ZC3H7B: variants seen among roughly 807,000 people sequenced by gnomAD.
The protein encoded by ZC3H7B is zinc finger CCCH-type containing 7B.
In ZC3H7B, 35 loss-of-function variants were observed where a neutral mutation model predicts 116.0. That is an observed-to-expected ratio of 0.30 (90% CI 0.23 to 0.40). ZC3H7B has a LOEUF of 0.40. Among genes scored for constraint, ZC3H7B ranks in the 10% least tolerant of loss-of-function variants. ZC3H7B has a pLI of 1.00. For missense variants in ZC3H7B, 1,011 were observed against 1,321.5 expected (o/e 0.77, Z 3.64); for synonymous variants, 502 against 545.6 (o/e 0.92, Z 1.11).
chr22:41,343,616 C>T (rs1382530444), intron 13 of ZC3H7B, 40 bp downstream of exon 13: 1 of 1,531,928 alleles, frequency 6.5e-7, no homozygotes, highest in Non-Finnish European at 8.8e-7. Flanking sequence ...CAGCTGGGGC[C>T]CAGCCCCTCC....
chr22:41,348,322 A>G (rs1188070250), intron 15 of ZC3H7B, among the ~76,000 whole-genome samples, 155 bp downstream of exon 15: 1 of 152,236 alleles, frequency 6.6e-6, no homozygotes, highest in African/African-American at 2.4e-5. Flanking sequence ...CTCCACCTGG[A>G]AAGGATGAGA....
chr22:41,315,723 G>A (rs2036174250), intron 1 of ZC3H7B, among the ~76,000 whole-genome samples: 1 of 152,124 alleles, frequency 6.6e-6, no homozygotes, highest in Admixed American at 6.6e-5. Context: ...TGCAAGGGAG[G>A]AAACAGAGGA....
chr22:41,329,519 A>G (rs1395719203), intron 5 of ZC3H7B, among the ~76,000 whole-genome samples: 1 of 152,032 alleles, frequency 6.6e-6, no homozygotes, highest in Non-Finnish European at 1.5e-5. Context: ...TCTGCCTCCC[A>G]AAGTGCTGGG....
Position 41,328,487 on chromosome 22 carries a change from C to G in ZC3H7B, c.444+1123C>G, listed in dbSNP as rs1030744327. Reference sequence around the variant, plus strand: ...TTGTCAGTGAGGTAGGAGGTAGACACGTGCACAGATGTCACAGTGTCTTCC... The same window carrying G: ...TTGTCAGTGAGGTAGGAGGTAGACAGGTGCACAGATGTCACAGTGTCTTCC... On this transcript the variant is annotated intron_variant, in intron 5 of 22. Transcript: ENST00000352645. 3.3e-5 allele frequency among the ~76,000 whole-genome samples: 5 copies of G among 152,226 alleles called. No individual in the cohort carries two copies. In the East Asian group the frequency reaches 9.6e-4, roughly 29 times the overall value.
rs769901868 is a variant in ZC3H7B at position 41,349,198 on chromosome 22, C to T, written c.1845C>T (p.Asp615=). Residue 615 remains aspartate, a synonymous_variant, in exon 16 of 23, where the codon GAC becomes GAT. Coordinates refer to ENST00000352645, the MANE Select transcript of ZC3H7B (RefSeq NM_017590.6). This position sits in a 1 kb window ranked among gnomAD's most constrained non-coding sequence, Gnocchi z 4.9. ...IRQFQEHFQF[D]VCRHEVRYGC... is the part of the protein sequence containing the mutation. ...AGTTCCAGGAGCACTTCCAGTTCGA[C>T]GTGTGCCGCCATGAGGTGCGCTACG... The T allele has an allele frequency of 3.1e-6, 5 of 1,613,698 alleles. No individual in the cohort carries two copies. The highest frequency in any genetic ancestry group is 2.2e-5 in the East Asian group (1 of 44,900).
chr22:41,355,399 G>T, intron 17 of ZC3H7B, 70 bp from the exon 18 acceptor site: 1 of 1,587,600 alleles, frequency 6.3e-7, no homozygotes, highest in Admixed American at 1.7e-5. Context: ...GAGGACACCT[G>T]TGTGGAGACT....
At chr22:41,308,343 C>A (rs932469468) in intron 1 of ZC3H7B, among the ~76,000 whole-genome samples, 1 of 152,090 alleles carries the variant, frequency 6.6e-6, no homozygotes, top group East Asian at 1.9e-4. Flanking sequence ...CTGAGGAACG[C>A]AGGGCAGGGA....
At chr22:41,325,286 G>A (rs1303346870) in intron 2 of ZC3H7B, among the ~76,000 whole-genome samples, 1 of 151,898 alleles carries the variant, frequency 6.6e-6, no homozygotes, top group East Asian at 1.9e-4. Flanking sequence ...AAGTGGGGCT[G>A]GAACTGGGGC....
Position 41,340,105 on chromosome 22 carries a change from G to C in ZC3H7B, c.1106G>C (p.Arg369Pro), listed in dbSNP as rs776780190. 1.2e-6 allele frequency: 2 copies of C among 1,610,746 alleles called. No individual in the cohort carries two copies. The highest frequency in any genetic ancestry group is 1.7e-5 in the Admixed American group (1 of 59,890). ...GCACTCGACAGCTTTGGGTCGACAC[G>C]AGGCTCCCTGGACAAACCTGACTCC... is the stretch of plus-strand genomic sequence containing the variant. ...LDALDSFGST[R>P]GSLDKPDSFM... The change falls in exon 10 of 23, where the codon CGA (arginine) becomes CCA (proline). Residue 369 changes from arginine (R) to proline (P), a missense_variant. By Grantham distance (103) the Arg-to-Pro change is moderately radical. Transcript: ENST00000352645.
intron 1 of ZC3H7B, among the ~76,000 whole-genome samples, chr22:41,303,472 A>G (rs758989071): frequency 6.6e-6 from 1 of 152,214 alleles, no homozygotes; most frequent in Admixed American, 6.5e-5. Flanking sequence ...TGAGACATGG[A>G]TAGAGAATCT....
intron 7 of ZC3H7B, chr22:41,332,823 G>T (rs1207658762): frequency 6.5e-6 from 1 of 152,762 alleles, no homozygotes; most frequent in African/African-American, 2.4e-5. Context: ...AGGGAGGAAA[G>T]TGCTTGATAA....
At chr22:41,314,480 G>A (rs1345885907) in intron 1 of ZC3H7B, among the ~76,000 whole-genome samples, 1 of 151,822 alleles carries the variant, frequency 6.6e-6, no homozygotes, top group Non-Finnish European at 1.5e-5. Context: ...TGGGATAAGG[G>A]TCTCACTGTG....
intron 13 of ZC3H7B, among the ~76,000 whole-genome samples, chr22:41,344,988 CT>C (rs2145934216): frequency 6.6e-6 from 1 of 152,136 alleles, no homozygotes; most frequent in African/African-American, 2.4e-5. Flanking sequence ...TAATTTTTAA[CT>C]TTTTTGTAGA....
In ZC3H7B at chr22:41,357,398, C is replaced by T. The variant is rs1456651041; in HGVS notation, c.2903C>T (p.Ala968Val). Residue 968 changes from alanine to valine, a missense_variant, in exon 23 of 23, where the codon GCT (alanine) becomes GTT (valine). Around this residue, in one of 5 missense-constraint regions of ZC3H7B, gnomAD observed 406 missense variants for 590.2 expected, o/e 0.69. Transcript: ENST00000352645. The surrounding 1 kb of genome is among the most constrained non-coding windows in gnomAD (Gnocchi z 5.4). ...DLAGATPEAP[A>V]AAATATTGE ...GCCGGTGCCACCCCAGAAGCCCCTG[C>T]TGCTGCTGCCACCGCCACCACTGGG... 1 of 1,612,160 alleles carries T rather than the reference C, an allele frequency of 6.2e-7. No homozygotes were observed. The highest frequency in any genetic ancestry group is 2.2e-5 in the East Asian group (1 of 44,816).
chr22:41,343,678 G>T, intron 13 of ZC3H7B, 102 bp downstream of exon 13: 1 of 1,402,772 alleles, frequency 7.1e-7, no homozygotes, highest in Non-Finnish European at 9.3e-7. Flanking sequence ...ACAGGGGTGG[G>T]CCTCACAGCT....
At chr22:41,314,251 G>A (rs2145902486) in intron 1 of ZC3H7B, among the ~76,000 whole-genome samples, 1 of 151,760 alleles carries the variant, frequency 6.6e-6, no homozygotes, top group African/African-American at 2.4e-5. Flanking sequence ...CTGCCTCCCG[G>A]GTTCAAGCAA....
At chr22:41,304,186 G>A (rs2036010639) in intron 1 of ZC3H7B, among the ~76,000 whole-genome samples, 1 of 152,156 alleles carries the variant, frequency 6.6e-6, no homozygotes, top group African/African-American at 2.4e-5. Flanking sequence ...AGGGTTACAG[G>A]CATGAGCCAC....
chr22:41,321,103 T>A (rs2036250962), intron 2 of ZC3H7B, among the ~76,000 whole-genome samples: 1 of 152,078 alleles, frequency 6.6e-6, no homozygotes, highest in Non-Finnish European at 1.5e-5. Context: ...GAATCTCTCC[T>A]TGTTGCCCTG....
At chr22:41,330,495 G>A (rs866798338) in intron 6 of ZC3H7B, among the ~76,000 whole-genome samples, 63 of 152,296 alleles carry the variant, frequency 4.1e-4, no homozygotes, top group Non-Finnish European at 4.0e-4. Context: ...GGTACCTGCC[G>A]AGGGCCAGGA....
Sources: gnomAD v4.1 joint callset for allele counts (sites outside exome capture counted in the v4.1 genomes callset) on GRCh38, gnomAD v4.1.1 for gene constraint, gnomAD v4.1.1 regional missense constraint, Gnocchi (gnomAD v3.1) non-coding constraint, MANE v1.5 for transcripts, NCBI Gene and HGNC (gene_info 2026-07-23, HGNC 2026-07-21) for gene names.